The following NFATC2 variants were observed in gnomAD, a reference collection of about 807,000 sequenced individuals.
NFATC2 encodes nuclear factor of activated T-cells, cytoplasmic 2.
A neutral mutation model predicts 87.3 loss-of-function variants in NFATC2; 22 were observed. The observed-to-expected ratio is 0.25, with a 90% CI of 0.18 to 0.36. The LOEUF is 0.36. NFATC2 is among the 10% of genes least tolerant of loss of function. The pLI, the probability that NFATC2 is intolerant of heterozygous loss-of-function variation, is 1.00. For synonymous variants in NFATC2, 565 were observed against 542.2 expected (o/e 1.04, Z -0.58); for missense variants, 1,149 against 1,259.1 (o/e 0.91, Z 1.32).
At chr20:51,444,588 C>T (rs1984802533) in intron 6 of NFATC2, among the ~76,000 whole-genome samples, 1 of 152,118 alleles carries the variant, frequency 6.6e-6, no homozygotes, top group African/African-American at 2.4e-5. Flanking sequence ...GAAGGCAAAT[C>T]CATCCTCACC....
At chr20:51,398,380 C>T (rs138818701) in intron 10 of NFATC2, among the ~76,000 whole-genome samples, 60 of 152,276 alleles carry the variant, frequency 3.9e-4, no homozygotes, top group Non-Finnish European at 7.6e-4. Flanking sequence ...CATTTTTCCA[C>T]GCAGGCCAGC....
Position 51,542,591 on chromosome 20 carries a change from C to T in NFATC2, c.-92G>A, listed in dbSNP as rs1213520068. 5 of 1,244,366 alleles carry T rather than the reference C, an allele frequency of 4.0e-6. No homozygotes were observed. The African/African-American group carries it at 6.3e-5, about 16-fold the overall frequency. 77.1% of individuals were successfully genotyped at this position (1,244,366 alleles called of 1,614,324 possible). A position where few individuals can be genotyped will look rare whatever the true frequency, so the allele number is the denominator to read the frequency against. On this transcript the variant is annotated 5_prime_UTR_variant, in exon 1 of 11. Transcript: ENST00000371564. ...CGCAGTGGGGCTGGCGGAGGCGGCT[C>T]GAGCGGCGGGGTCCCTTTCCTCGTA...
chr20:51,560,457 C>T (rs2077011496), intron 1 of NFATC2, among the ~76,000 whole-genome samples: 1 of 152,200 alleles, frequency 6.6e-6, no homozygotes, highest in Non-Finnish European at 1.5e-5. Context: ...TTCAGTTTTT[C>T]ACAGGGCCAA....
chr20:51,525,989 C>T (rs907219056), intron 1 of NFATC2, among the ~76,000 whole-genome samples: 10 of 147,784 alleles, frequency 6.8e-5, no homozygotes, highest in African/African-American at 2.5e-4. Context: ...CTTCGCCGTA[C>T]TTAAGCAGCT....
chr20:51,517,756 A>T (rs1199183653), intron 2 of NFATC2, among the ~76,000 whole-genome samples: 2 of 152,110 alleles, frequency 1.3e-5, no homozygotes, highest in African/African-American at 4.8e-5. Context: ...GTCTCTACTA[A>T]AAATACAAAA....
At chr20:51,392,979 A>G (rs1309880986) in intron 10 of NFATC2, among the ~76,000 whole-genome samples, 1 of 152,218 alleles carries the variant, frequency 6.6e-6, no homozygotes, top group Non-Finnish European at 1.5e-5. Context: ...AGTGGGAATC[A>G]TAGCACATAC....
chr20:51,472,629 CTTTTTTTTTT>C (rs1223762055), intron 5 of NFATC2, among the ~76,000 whole-genome samples: 4 of 92,734 alleles, frequency 4.3e-5, no homozygotes, highest in Admixed American at 2.7e-4. Flanking sequence ...CTTCTTTCTT[CTTTTTTTTTT>C]TTTTTTTTTT....
Position 51,542,700 on chromosome 20 carries a change from G to T in NFATC2, c.-201C>A. 9.1e-7 allele frequency: 1 copy of T among 1,099,186 alleles called. No homozygotes were observed. The highest frequency in any genetic ancestry group is 1.1e-6 in the Non-Finnish European group (1 of 904,070). 68.1% of individuals were successfully genotyped at this position (1,099,186 alleles called of 1,614,324 possible). ...GGGGAAGCTGAGCGGCGGCGGCGAC[G>T]GCGGCGCGAGCTTCCTGCTCCGGAG... On this transcript the variant is annotated 5_prime_UTR_variant, in exon 1 of 11. Transcript: ENST00000371564.
At chr20:51,491,764 T>C (rs1187020928) in intron 3 of NFATC2, among the ~76,000 whole-genome samples, 2 of 151,982 alleles carry the variant, frequency 1.3e-5, no homozygotes, top group East Asian at 3.9e-4. Flanking sequence ...TGCATCTGTT[T>C]AGGTGCATAA....
chr20:51,399,832 G>A (rs772228417), intron 9 of NFATC2, among the ~76,000 whole-genome samples: 9 of 152,126 alleles, frequency 5.9e-5, no homozygotes, highest in African/African-American at 1.2e-4. Context: ...CAGTACTGTC[G>A]GATAATTCAC....
intron 9 of NFATC2, chr20:51,399,215 T>C (rs1263531975): frequency 6.5e-6 from 1 of 153,632 alleles, no homozygotes; most frequent in African/African-American, 2.4e-5. Flanking sequence ...TTCATAAAAC[T>C]GCACATTTTC....
At chr20:51,532,473 CT>C (rs148168058) in intron 1 of NFATC2, among the ~76,000 whole-genome samples, 49 of 152,300 alleles carry the variant, frequency 3.2e-4, no homozygotes, top group African/African-American at 1.1e-3. Flanking sequence ...TGGGCTGCCC[CT>C]GACAACTGAA....
intron 6 of NFATC2, among the ~76,000 whole-genome samples, chr20:51,451,763 G>A (rs140834533): frequency 3.0e-4 from 45 of 152,276 alleles, no homozygotes; most frequent in African/African-American, 1.0e-3. Context: ...AACTGCGCTT[G>A]CCAGGGATCT....
chr20:51,425,296 C>G (rs181038862), intron 9 of NFATC2, among the ~76,000 whole-genome samples: 1 of 152,338 alleles, frequency 6.6e-6, no homozygotes, highest in South Asian at 2.1e-4. Flanking sequence ...GCCCTCCCAA[C>G]GGGGGCCTGG....
chr20:51,414,969 G>A (rs1244717348), intron 9 of NFATC2, among the ~76,000 whole-genome samples: 1 of 151,956 alleles, frequency 6.6e-6, no homozygotes, highest in Non-Finnish European at 1.5e-5. Flanking sequence ...TCTCCTAGGG[G>A]CTGGGCATGG....
chr20:51,562,640 CG>C, upstream of NFATC2: 1 of 1,549,986 alleles, frequency 6.5e-7, no homozygotes. This position sits in a 1 kb window ranked among gnomAD's most constrained non-coding sequence, Gnocchi z 5.8. Context: ...CTGGAGGGCA[CG>C]GGGACTTGGC....
chr20:51,474,278 G>A, intron 4 of NFATC2, 126 bp from the exon 5 acceptor site: 1 of 1,130,342 alleles, frequency 8.8e-7, no homozygotes, highest in Admixed American at 2.5e-5. Context: ...AAGCATTTCA[G>A]CCAGGAATGT....
chr20:51,524,007 GAGA>G lies in NFATC2; in HGVS notation c.231_233del (p.Leu78del). 1.9e-6 allele frequency: 3 copies of G among 1,565,828 alleles called. No individual in the cohort carries two copies. The highest frequency in any genetic ancestry group is 2.6e-6 in the Non-Finnish European group (3 of 1,161,336). On this transcript the variant is annotated inframe_deletion, in exon 2 of 11. Coordinates refer to ENST00000371564, the MANE Select transcript of NFATC2 (RefSeq NM_012340.5). This position sits in a 1 kb window ranked among gnomAD's most constrained non-coding sequence, Gnocchi z 4.0. ...CGAATCGGCCGGGGGGCTCGCCAGA[GAGA>G]CTAGCAAGGGGGCTGTATGGCTTGA...
chr20:51,436,798 T>C (rs936260665), intron 6 of NFATC2, among the ~76,000 whole-genome samples: 3 of 152,290 alleles, frequency 2.0e-5, no homozygotes, highest in Non-Finnish European at 1.5e-5. Flanking sequence ...TATGTTACAC[T>C]TTATCCTACG....
Sources: gnomAD v4.1 joint callset for allele counts (sites outside exome capture counted in the v4.1 genomes callset) on GRCh38, gnomAD v4.1.1 for gene constraint, Gnocchi (gnomAD v3.1) non-coding constraint, MANE v1.5 for transcripts, NCBI Gene and HGNC (gene_info 2026-07-23, HGNC 2026-07-21) for gene names.